COL27A1: variants seen among roughly 807,000 people sequenced by gnomAD.
COL27A1 encodes collagen type XXVII alpha 1 chain.
Under a neutral mutation model 251.3 loss-of-function variants are expected in COL27A1, and 106 were observed. The observed-to-expected ratio is 0.42, with a 90% CI of 0.36 to 0.50. The LOEUF (loss-of-function observed/expected upper bound fraction) is 0.50. Among genes scored for constraint, COL27A1 ranks in the 20% least tolerant of loss-of-function variants. The pLI, the probability that COL27A1 is intolerant of heterozygous loss-of-function variation, is 0.00. For synonymous variants in COL27A1, 1,000 were observed against 986.3 expected (o/e 1.01, Z -0.26); for missense variants, 2,325 against 2,522.8 (o/e 0.92, Z 1.68).
rs1827906183 is a variant in COL27A1 at position 114,291,385 on chromosome 9, T to C, written c.4476+468T>C. Among the ~76,000 whole-genome samples the C allele has an allele frequency of 2.0e-5, 3 of 152,006 alleles. No individual in the cohort carries two copies. In the South Asian group the frequency reaches 6.2e-4, roughly 32 times the overall value. On this transcript the variant is annotated intron_variant, in intron 48 of 60. Coordinates refer to ENST00000356083, the MANE Select transcript of COL27A1 (RefSeq NM_032888.4). ...GCTCGAGGTTTAATTGGGGGAAAGA[T>C]TGGAACCCTCTGAGACACAGGAGGC...
intron 39 of COL27A1, among the ~76,000 whole-genome samples, chr9:114,282,844 T>A (rs1690875052): frequency 6.6e-6 from 1 of 152,260 alleles, no homozygotes; most frequent in African/African-American, 2.4e-5. Context: ...GGACCCAAAT[T>A]AATAAGCCTT....
intron 13 of COL27A1, 88 bp downstream of exon 13, chr9:114,219,932 G>A (rs1418327513): frequency 1.1e-5 from 11 of 999,352 alleles, no homozygotes; most frequent in African/African-American, 1.6e-5. Flanking sequence ...GGGTCAGACA[G>A]ACCTGGGTCA....
chr9:114,219,737 C>T (rs1436489528), intron 12 of COL27A1, 54 bp from the exon 13 acceptor site: 1 of 1,300,674 alleles, frequency 7.7e-7, no homozygotes, highest in East Asian at 2.3e-5. Context: ...CAAAGCCCAC[C>T]CTGAAGGTGA....
chr9:114,300,270 G>A, intron 50 of COL27A1, 147 bp downstream of exon 50: 2 of 754,512 alleles, frequency 2.7e-6, no homozygotes, highest in Non-Finnish European at 4.4e-6. Flanking sequence ...TCATCCCCCA[G>A]TACTCCAGAA....
At chr9:114,273,192 AGAG>A (rs999019318) in intron 36 of COL27A1, 9 of 144,136 alleles carry the variant, frequency 6.2e-5, no homozygotes, top group Admixed American at 4.7e-4. Context: ...TCTGCCTCTG[AGAG>A]GAGAACAGGT....
chr9:114,212,792 C>A (rs1830452162), intron 12 of COL27A1, among the ~76,000 whole-genome samples: 1 of 152,218 alleles, frequency 6.6e-6, no homozygotes, highest in Non-Finnish European at 1.5e-5. Flanking sequence ...ATAGAGCCGC[C>A]CGGAATAAGG....
chr9:114,174,914 AG>A (rs1319508069), intron 3 of COL27A1, among the ~76,000 whole-genome samples: 1 of 152,204 alleles, frequency 6.6e-6, no homozygotes, highest in Non-Finnish European at 1.5e-5. Context: ...TACCCCCAAC[AG>A]GTTACAGACA....
intron 16 of COL27A1, among the ~76,000 whole-genome samples, chr9:114,233,025 C>T (rs925159987): frequency 3.9e-5 from 6 of 152,158 alleles, no homozygotes; most frequent in African/African-American, 9.7e-5. Context: ...GAGCCAAGAT[C>T]GTGCCACTGC....
chr9:114,271,156 C>G lies in COL27A1; in HGVS notation c.3609+375C>G, dbSNP rs201667634. On this transcript the variant is annotated intron_variant, in intron 36 of 60. Coordinates refer to ENST00000356083, the MANE Select transcript of COL27A1 (RefSeq NM_032888.4). ...TAGAAGGTCAGGAAAATAATAATTACCACCAATGACTTATAAGCCACAATT... is the reference window on the plus strand; with the variant it reads ...TAGAAGGTCAGGAAAATAATAATTAGCACCAATGACTTATAAGCCACAATT... 23 of 236,910 alleles carry G rather than the reference C, an allele frequency of 9.7e-5. No individual in the cohort carries two copies. In the East Asian group the frequency reaches 2.9e-3, roughly 30 times the overall value. 14.7% of individuals were successfully genotyped at this position (236,910 alleles called of 1,614,324 possible).
chr9:114,309,211 G>A (rs749090194), intron 59 of COL27A1, 49 bp from the exon 60 acceptor site: 2 of 1,534,380 alleles, frequency 1.3e-6, no homozygotes, highest in Non-Finnish European at 1.8e-6. Flanking sequence ...CTCGGTGTGG[G>A]GGGTGTGGGG....
intron 34 of COL27A1, among the ~76,000 whole-genome samples, chr9:114,268,098 C>A (rs1263919039): frequency 6.6e-6 from 1 of 152,234 alleles, no homozygotes; most frequent in Non-Finnish European, 1.5e-5. Flanking sequence ...TTGGACCAGG[C>A]CGGGGGCTGC....
At chr9:114,160,370 T>C (rs1848415302) in intron 1 of COL27A1, among the ~76,000 whole-genome samples, 1 of 152,114 alleles carries the variant, frequency 6.6e-6, no homozygotes, top group African/African-American at 2.4e-5. Flanking sequence ...TTAGCCAGGA[T>C]GGTCTTGATC....
rs1245178440 is a variant in COL27A1, at chr9:114,301,089, C to T, written c.4719C>T (p.Val1573=). 22 of 1,612,232 alleles carry T rather than the reference C, an allele frequency of 1.4e-5. No individual in the cohort carries two copies. Among genetic ancestry groups the T allele is most frequent in the Admixed American group, 3.3e-5 (2 of 59,802 alleles). Residue 1573 remains valine (V), a synonymous_variant, in exon 52 of 61, where the codon GTC becomes GTT. Transcript: ENST00000356083. The part of the protein sequence containing the change: ...PPGLMGKEGI[V]GPLGILGPSG... ...TCCTTTAGGGAAAGGAAGGCATCGT[C>T]GGGCCCCTCGGAATCCTGGGACCTT... is the stretch of plus-strand genomic sequence containing the variant.
intron 1 of COL27A1, among the ~76,000 whole-genome samples, chr9:114,161,291 C>T (rs138946296): frequency 2.6e-5 from 4 of 152,276 alleles, no homozygotes; most frequent in African/African-American, 7.2e-5. Context: ...CATCCCTCAC[C>T]TCTTATTGGC....
Position 114,290,785 on chromosome 9 carries a change from C to A in COL27A1, c.4369-25C>A. Reference sequence around the variant, plus strand: ...GGCTGTATCGTGAAACACAAGAGACCCTCCTCTGCCTGCTTTCTTAACAGG... The same window carrying A: ...GGCTGTATCGTGAAACACAAGAGACACTCCTCTGCCTGCTTTCTTAACAGG... On this transcript the variant is annotated intron_variant, in intron 47 of 60. Transcript: ENST00000356083. This position sits in a 1 kb window ranked among gnomAD's most constrained non-coding sequence, Gnocchi z 4.6. 1.3e-6 allele frequency: 2 copies of A among 1,508,582 alleles called. No individual in the cohort carries two copies. The highest frequency in any genetic ancestry group is 1.8e-6 in the Non-Finnish European group (2 of 1,116,730). 93.4% of individuals were successfully genotyped at this position (1,508,582 alleles called of 1,614,324 possible).
intron 1 of COL27A1, among the ~76,000 whole-genome samples, chr9:114,157,896 T>C (rs1448505598): frequency 6.6e-6 from 1 of 152,204 alleles, no homozygotes; most frequent in East Asian, 1.9e-4. Context: ...ACCATGCTTG[T>C]AAAGGGCTTA....
chr9:114,169,558 G>A, intron 3 of COL27A1, 95 bp downstream of exon 3: 1 of 994,722 alleles, frequency 1.0e-6, no homozygotes, highest in Non-Finnish European at 1.5e-6. Flanking sequence ...AGGAAAAGGA[G>A]CAGCTTAGAG....
intron 14 of COL27A1, 69 bp downstream of exon 14, chr9:114,222,336 G>A: frequency 1.4e-6 from 2 of 1,444,552 alleles, no homozygotes; most frequent in South Asian, 1.2e-5. Context: ...AGCGTGTGGG[G>A]AGCCAGGAGC....
At chr9:114,219,931 A>C in intron 13 of COL27A1, 87 bp downstream of exon 13, 1 of 1,009,150 alleles carries the variant, frequency 9.9e-7, no homozygotes, top group African/African-American at 1.6e-5. Context: ...AGGGTCAGAC[A>C]GACCTGGGTC....
Sources: gnomAD v4.1 joint callset for allele counts (sites outside exome capture counted in the v4.1 genomes callset) on GRCh38, gnomAD v4.1.1 for gene constraint, Gnocchi (gnomAD v3.1) non-coding constraint, MANE v1.5 for transcripts, NCBI Gene and HGNC (gene_info 2026-07-23, HGNC 2026-07-21) for gene names.